The following MARCHF1 variants were observed in gnomAD, a reference collection of about 807,000 sequenced individuals.
MARCHF1 encodes the protein E3 ubiquitin-protein ligase MARCHF1.
MARCHF1 carries 40 observed loss-of-function variants against 54.2 expected under a neutral mutation model. That is an observed-to-expected ratio of 0.74 (90% CI 0.57 to 0.96). The LOEUF is 0.96. MARCHF1 is among the 40% of genes least tolerant of loss of function. The probability of loss-of-function intolerance (pLI) is 0.00; values close to 1 mark genes in which losing one functional copy is unlikely to be tolerated. For missense variants in MARCHF1, 586 were observed against 656.5 expected, an observed-to-expected ratio of 0.89 and a Z score of 1.17; for synonymous variants, 236 against 236.3, an observed-to-expected ratio of 1.00 and a Z score of 0.01.
chr4:163,657,035 A>T (rs1007326695), intron 5 of MARCHF1, among the ~76,000 whole-genome samples: 11 of 152,128 alleles, frequency 7.2e-5, no homozygotes, highest in Non-Finnish European at 1.6e-4. Context: ...TATTCAAAAT[A>T]GTATTGGAAG....
chr4:163,732,863 T>G (rs1483439156), intron 4 of MARCHF1, among the ~76,000 whole-genome samples: 1 of 151,970 alleles, frequency 6.6e-6, no homozygotes, highest in Non-Finnish European at 1.5e-5. Context: ...ATAAGAAATG[T>G]TAAAGAAGCC....
intron 8 of MARCHF1, among the ~76,000 whole-genome samples, chr4:163,582,475 A>G (rs1740261714): frequency 6.6e-6 from 1 of 152,218 alleles, no homozygotes; most frequent in Non-Finnish European, 1.5e-5. Flanking sequence ...TGATATCTTT[A>G]GAAACTAACC....
At chr4:164,380,923 T>A (rs1472267127) in intron 1 of MARCHF1, among the ~76,000 whole-genome samples, 1 of 152,218 alleles carries the variant, frequency 6.6e-6, no homozygotes, top group African/African-American at 2.4e-5. Flanking sequence ...AACCTCTTCA[T>A]TGAGTTTAAG....
chr4:163,821,942 G>A (rs766762638), intron 4 of MARCHF1, among the ~76,000 whole-genome samples: 13 of 151,828 alleles, frequency 8.6e-5, no homozygotes, highest in South Asian at 8.3e-4. Flanking sequence ...CCTCTGTAAC[G>A]TCACCTATAC....
At chr4:163,572,679 G>T (rs1197021742) in intron 8 of MARCHF1, among the ~76,000 whole-genome samples, 1 of 152,090 alleles carries the variant, frequency 6.6e-6, no homozygotes, top group Non-Finnish European at 1.5e-5. Context: ...TATAGTAGAA[G>T]CACTGTTGTG....
intron 4 of MARCHF1, among the ~76,000 whole-genome samples, chr4:163,779,899 T>A (rs1747415048): frequency 6.6e-6 from 1 of 152,158 alleles, no homozygotes; most frequent in Non-Finnish European, 1.5e-5. Context: ...TAATATTTCA[T>A]AATTAACACA....
At chr4:163,973,884 T>C (rs1752599380) in intron 3 of MARCHF1, among the ~76,000 whole-genome samples, 1 of 152,326 alleles carries the variant, frequency 6.6e-6, no homozygotes, top group South Asian at 2.1e-4. Context: ...ATGAAGTGAA[T>C]TTTCCTCTTC....
At chr4:164,110,175 CT>C (rs1755805113) in intron 2 of MARCHF1, among the ~76,000 whole-genome samples, 1 of 149,294 alleles carries the variant, frequency 6.7e-6, no homozygotes, top group Non-Finnish European at 1.5e-5. Context: ...TAAATGATTA[CT>C]TATTTAACAA....
At chr4:163,969,434 C>A (rs1752505913) in intron 3 of MARCHF1, among the ~76,000 whole-genome samples, 1 of 152,158 alleles carries the variant, frequency 6.6e-6, no homozygotes, top group Non-Finnish European at 1.5e-5. Flanking sequence ...AGATGTCATT[C>A]TTTTGGAGAT....
intron 3 of MARCHF1, among the ~76,000 whole-genome samples, chr4:163,911,722 G>A (rs186264579): frequency 2.0e-5 from 3 of 152,250 alleles, no homozygotes; most frequent in South Asian, 2.1e-4. Flanking sequence ...TCATATGGGT[G>A]TCATATTTCT....
intron 1 of MARCHF1, among the ~76,000 whole-genome samples, chr4:164,270,575 T>A (rs1226185641): frequency 6.6e-6 from 1 of 152,210 alleles, no homozygotes; most frequent in Non-Finnish European, 1.5e-5. Flanking sequence ...ATTGGGCTTA[T>A]CCCAGAAATT....
rs201672647 is a variant in MARCHF1, at chr4:163,676,357, C to CAA, written c.162+24454_162+24455dup. ...GGGCAACAAGAGCAAAACTCTGTCT[C>CAA]AAAAAAAAAAAAAAAATCAGAAGAT... On this transcript the variant is annotated intron_variant, in intron 5 of 9. Coordinates refer to ENST00000514618, the MANE Select transcript of MARCHF1 (RefSeq NM_001394959.1). Among the ~76,000 whole-genome samples, 73 of 106,348 alleles carry CAA rather than the reference C, an allele frequency of 6.9e-4. 1 individual carries two copies. Among genetic ancestry groups the CAA allele is most frequent in the African/African-American group, 1.8e-3 (59 of 31,980 alleles). 69.8% of individuals were successfully genotyped at this position (106,348 alleles called of 152,430 possible).
In MARCHF1 at chr4:164,342,209, C is replaced by G. The variant is rs1729950210; in HGVS notation, c.-323+41661G>C. On this transcript the variant is annotated intron_variant, in intron 1 of 9. Coordinates refer to ENST00000514618, the MANE Select transcript of MARCHF1 (RefSeq NM_001394959.1). ...GCCAACAAGTAAATTAAAAGATGTT[C>G]AACATCACTAATCATCAAGGAAATG... 3.9e-5 allele frequency among the ~76,000 whole-genome samples: 6 copies of G among 152,146 alleles called. 1 individual carries two copies. The South Asian group carries it at 1.2e-3, about 32-fold the overall frequency.
chr4:164,070,692 C>A (rs1030380717), intron 2 of MARCHF1, among the ~76,000 whole-genome samples: 1 of 152,196 alleles, frequency 6.6e-6, no homozygotes, highest in Non-Finnish European at 1.5e-5. Flanking sequence ...GAAGTGAATT[C>A]TCTTGCTACA....
chr4:163,753,548 G>A (rs1171444152), intron 4 of MARCHF1, among the ~76,000 whole-genome samples: 2 of 152,092 alleles, frequency 1.3e-5, no homozygotes, highest in Non-Finnish European at 2.9e-5. Flanking sequence ...GATGGGGGGT[G>A]AGAGAAAGCC....
chr4:164,222,395 G>C (rs1579636005), intron 1 of MARCHF1, among the ~76,000 whole-genome samples: 1 of 151,866 alleles, frequency 6.6e-6, no homozygotes, highest in Admixed American at 6.6e-5. Context: ...TCATCTATAT[G>C]AAAGAAATAT....
chr4:163,733,585 C>T (rs1745946168), intron 4 of MARCHF1, among the ~76,000 whole-genome samples: 1 of 151,614 alleles, frequency 6.6e-6, no homozygotes, highest in Non-Finnish European at 1.5e-5. Context: ...AGGTATATCT[C>T]CTAATGCTAT....
At chr4:163,909,136 A>G (rs1751134491) in intron 3 of MARCHF1, among the ~76,000 whole-genome samples, 1 of 152,212 alleles carries the variant, frequency 6.6e-6, no homozygotes, top group Admixed American at 6.5e-5. Context: ...ACACTGGAGT[A>G]TAATATCCTT....
At chr4:164,141,829 G>C (rs762980417) in intron 1 of MARCHF1, among the ~76,000 whole-genome samples, 12 of 152,178 alleles carry the variant, frequency 7.9e-5, no homozygotes, top group Non-Finnish European at 1.3e-4. Context: ...CAAGATGGCC[G>C]AATAGGAACA....
Sources: gnomAD v4.1 joint callset for allele counts (sites outside exome capture counted in the v4.1 genomes callset) on GRCh38, gnomAD v4.1.1 for gene constraint, MANE v1.5 for transcripts, NCBI Gene and HGNC (gene_info 2026-07-23, HGNC 2026-07-21) for gene names.